C1orf185: variants seen among roughly 807,000 people sequenced by gnomAD.
C1orf185 encodes chromosome 1 open reading frame 185.
Under a neutral mutation model 16.1 loss-of-function variants are expected in C1orf185, and 13 were observed. The ratio of observed to expected loss-of-function variants is 0.81; its 90% confidence interval spans 0.53 to 1.28. C1orf185 has a LOEUF of 1.28. C1orf185 is among the 50% of genes most tolerant of loss of function. The probability of loss-of-function intolerance (pLI) is 0.00; values close to 1 mark genes in which losing one functional copy is unlikely to be tolerated. For synonymous variants in C1orf185, 80 were observed against 76.9 expected (o/e 1.04, Z -0.21); for missense variants, 220 against 225.2 (o/e 0.98, Z 0.15).
At chr1:51,128,377 T>C (rs976682969) in intron 3 of C1orf185, among the ~76,000 whole-genome samples, 1 of 139,118 alleles carries the variant, frequency 7.2e-6, no homozygotes, top group African/African-American at 3.1e-5. Flanking sequence ...GTGTTATTAG[T>C]ATTTTTAATT....
chr1:51,126,939 G>A (rs567935438), intron 3 of C1orf185, among the ~76,000 whole-genome samples: 36 of 151,632 alleles, frequency 2.4e-4, no homozygotes, highest in African/African-American at 7.0e-4. Flanking sequence ...GTTTTGAGGA[G>A]TGCTGGTCAT....
intron 2 of C1orf185, among the ~76,000 whole-genome samples, chr1:51,115,134 C>G (rs985622092): frequency 1.3e-5 from 2 of 152,048 alleles, no homozygotes; most frequent in African/African-American, 2.4e-5. Context: ...CTCTTGAGGT[C>G]AGGAGTTGGA....
At chr1:51,147,104 T>C (rs1646405628) in intron 4 of C1orf185, among the ~76,000 whole-genome samples, 1 of 152,160 alleles carries the variant, frequency 6.6e-6, no homozygotes, top group Non-Finnish European at 1.5e-5. Context: ...AAAGTTGAAT[T>C]TGTAATGCAA....
chr1:51,133,181 G>T lies in C1orf185; in HGVS notation c.259-12543G>T, dbSNP rs559059592. 3.0e-4 allele frequency among the ~76,000 whole-genome samples: 45 copies of T among 152,216 alleles called. 1 individual carries two copies. Among genetic ancestry groups the T allele is most frequent in the African/African-American group, 1.1e-3 (45 of 41,554 alleles). ...CTGCAAAATAACCAGCTAACATAAT[G>T]ATGACAGGATCAAATCCACACATAT... On this transcript the variant is annotated intron_variant, in intron 3 of 4. Transcript: ENST00000371759.
intron 3 of C1orf185, among the ~76,000 whole-genome samples, chr1:51,131,920 T>C (rs1259884978): frequency 6.6e-6 from 1 of 152,088 alleles, no homozygotes; most frequent in African/African-American, 2.4e-5. Flanking sequence ...ATTCCCAACC[T>C]TGAGCCAGAG....
At chr1:51,140,038 G>C (rs1227413974) in intron 3 of C1orf185, among the ~76,000 whole-genome samples, 1 of 152,128 alleles carries the variant, frequency 6.6e-6, no homozygotes, top group African/African-American at 2.4e-5. Context: ...TCTTAGTCAA[G>C]CTTGATGTCA....
chr1:51,122,181 G>A (rs889986566), intron 3 of C1orf185, among the ~76,000 whole-genome samples: 10 of 152,034 alleles, frequency 6.6e-5, no homozygotes, highest in Admixed American at 5.2e-4. Context: ...AGTTTGGAGT[G>A]GTTTTCAGCT....
At chr1:51,146,728 T>G (rs901234973) in intron 4 of C1orf185, among the ~76,000 whole-genome samples, 2 of 152,070 alleles carry the variant, frequency 1.3e-5, no homozygotes, top group African/African-American at 4.8e-5. Context: ...TTTATTATTT[T>G]CGTGAAGTGG....
At chr1:51,145,802 C>G in intron 4 of C1orf185, 42 bp downstream of exon 4, 1 of 1,066,638 alleles carries the variant, frequency 9.4e-7, no homozygotes, top group Non-Finnish European at 1.3e-6. Flanking sequence ...TCTTAATGAA[C>G]TTTAGCAATT....
chr1:51,124,196 C>G (rs1490070656), intron 3 of C1orf185, among the ~76,000 whole-genome samples: 1 of 151,818 alleles, frequency 6.6e-6, no homozygotes, highest in African/African-American at 2.4e-5. Context: ...ATTCTCCTGC[C>G]TCAGCCTCCC....
downstream of C1orf185, among the ~76,000 whole-genome samples, chr1:51,149,729 A>C (rs1375965507): frequency 6.6e-6 from 1 of 152,172 alleles, no homozygotes; most frequent in African/African-American, 2.4e-5. Flanking sequence ...AGGAAAAAAA[A>C]ACCAAAAACA....
At chr1:51,131,028 A>G (rs1424896630) in intron 3 of C1orf185, among the ~76,000 whole-genome samples, 2 of 151,982 alleles carry the variant, frequency 1.3e-5, no homozygotes, top group African/African-American at 2.4e-5. Context: ...TCAGCCTCCC[A>G]AGTAGCTGGG....
rs561106359 is a variant in C1orf185, at chr1:51,124,338, T to A, written c.258+5537T>A. Among the ~76,000 whole-genome samples the A allele has an allele frequency of 5.9e-5, 9 of 152,348 alleles. No individual in the cohort carries two copies. In the South Asian group the frequency reaches 1.9e-3, roughly 32 times the overall value. On this transcript the variant is annotated intron_variant, in intron 3 of 4. Transcript: ENST00000371759. Reference sequence around the variant, plus strand: ...CTCAAGTGATCCGCCCACCTTGGCCTTCCAAAGTGCTGGGATTATAGGCGT... The same window carrying A: ...CTCAAGTGATCCGCCCACCTTGGCCATCCAAAGTGCTGGGATTATAGGCGT...
chr1:51,145,917 A>AT (rs1230056554), intron 4 of C1orf185, among the ~76,000 whole-genome samples, 157 bp downstream of exon 4: 2 of 152,136 alleles, frequency 1.3e-5, no homozygotes, highest in Non-Finnish European at 2.9e-5. Context: ...AAGGGCATAA[A>AT]TTTTTTAGAA....
intron 1 of C1orf185, among the ~76,000 whole-genome samples, chr1:51,110,210 T>C (rs934132497): frequency 5.3e-5 from 8 of 152,210 alleles, no homozygotes; most frequent in Non-Finnish European, 1.0e-4. Context: ...ATTTAACTTA[T>C]AGAATTTGGA....
In C1orf185 at chr1:51,147,731, T is replaced by C. The variant is rs1044936308; in HGVS notation, c.560T>C (p.Leu187Ser). Residue 187 changes from leucine (L) to serine (S), a missense_variant, in exon 5 of 5, where the codon TTA (leucine) becomes TCA (serine). By Grantham distance (145) the Leu-to-Ser change is moderately radical. Coordinates refer to ENST00000371759, the MANE Select transcript of C1orf185 (RefSeq NM_001136508.2). Reference protein sequence around the residue: ...KVFSYLSTISLEEGTESVLND... With the variant: ...KVFSYLSTISSEEGTESVLND... ...TTTTCATACCTGTCAACCATTTCAT[T>C]AGAAGAGGGTACTGAAAGTGTACTG... is the stretch of plus-strand genomic sequence containing the variant. 119 of 1,549,862 alleles carry C rather than the reference T, an allele frequency of 7.7e-5. No homozygotes were observed. Among genetic ancestry groups the C allele is most frequent in the Non-Finnish European group, 9.7e-5 (111 of 1,146,306 alleles).
intron 2 of C1orf185, among the ~76,000 whole-genome samples, chr1:51,115,465 G>A (rs969112081): frequency 3.9e-5 from 6 of 152,048 alleles, no homozygotes; most frequent in South Asian, 2.1e-4. Context: ...AATGGACATT[G>A]GGGTCATTTT....
At position 51,140,265 on chromosome 1, in the gene C1orf185, G is replaced by A. The variant is rs976683228; in HGVS notation, c.259-5459G>A. On this transcript the variant is annotated intron_variant, in intron 3 of 4. Transcript: ENST00000371759. ...CATCCTTCAGAATTTATTTTAATGG[G>A]TATCTTTTGGTTCTAAACTCACTTA... 2.0e-5 allele frequency among the ~76,000 whole-genome samples: 3 copies of A among 152,004 alleles called. No individual in the cohort carries two copies. The South Asian group carries it at 6.2e-4, about 31-fold the overall frequency.
chr1:51,150,295 G>A (rs1171287512), downstream of C1orf185, among the ~76,000 whole-genome samples: 7 of 151,574 alleles, frequency 4.6e-5, no homozygotes, highest in African/African-American at 7.3e-5. Flanking sequence ...AGGTTCAAGC[G>A]ATATCTCCTG....
Sources: allele counts gnomAD v4.1 joint callset (sites outside exome capture counted in the v4.1 genomes callset), GRCh38; gene constraint gnomAD v4.1.1; transcripts MANE v1.5; gene names NCBI Gene and HGNC (gene_info 2026-07-23, HGNC 2026-07-21).